The following AGRN variants were observed in gnomAD, a reference collection of about 807,000 sequenced individuals.
The protein encoded by AGRN is agrin, also known as agrin proteoglycan.
AGRN carries 106 observed loss-of-function variants against 211.0 expected under a neutral mutation model. The ratio of observed to expected loss-of-function variants is 0.50; its 90% CI spans 0.43 to 0.59. The LOEUF is 0.59. Ranked by LOEUF, AGRN falls within the 20% of genes least tolerant of loss-of-function variation. AGRN has a pLI of 0.00. For synonymous variants in AGRN, 1,525 were observed against 1,332.5 expected (o/e 1.14, Z -3.15); for missense variants, 3,040 against 2,982.6 (o/e 1.02, Z -0.45).
In AGRN at chr1:1,043,448, G is replaced by A. The variant is rs145222004; in HGVS notation, c.1594G>A (p.Gly532Arg). 1 of 1,606,592 alleles carries A rather than the reference G, an allele frequency of 6.2e-7. No individual in the cohort carries two copies. The highest frequency in any genetic ancestry group is 2.2e-5 in the East Asian group (1 of 44,798). The change falls in exon 8 of 36, where the codon GGA (glycine) becomes AGA (arginine). Residue 532 changes from glycine (G) to arginine (R), a missense_variant. Around this residue, in one of 3 missense-constraint regions of AGRN, gnomAD observed 1,498 missense variants for 1,457.8 expected, o/e 1.03. Transcript: ENST00000379370. ...LGREIQVARKGPCDRCGQCRF... is the reference protein window; with the variant it reads ...LGREIQVARKRPCDRCGQCRF... The stretch of plus-strand genomic sequence containing the variant: ...GCGGGAGATCCAGGTGGCGCGCAAA[G>A]GACCCTGTGGTCAGTGGCGGGTGAG...
Position 1,022,401 on chromosome 1 carries a change from C to T in AGRN, c.402C>T (p.Leu134=), listed in dbSNP as rs778439979. The change falls in exon 2 of 36, where the codon CTC becomes CTT. Residue 134 remains leucine (L), a synonymous_variant. Transcript: ENST00000379370. ...LWPAHKNELM[L]NSSLMRITLR... ...CAGCCCACAAGAACGAGCTGATGCT[C>T]AACTCCAGCCTCATGCGGATCACCC... 3 of 1,613,418 alleles carry T rather than the reference C, an allele frequency of 1.9e-6. No individual in the cohort carries two copies. The highest frequency in any genetic ancestry group is 2.2e-5 in the East Asian group (1 of 44,886).
At chr1:1,053,667 G>C (rs1025667644) in intron 33 of AGRN, 86 bp from the exon 34 acceptor site, 3 of 1,506,530 alleles carry the variant, frequency 2.0e-6, no homozygotes, top group Non-Finnish European at 1.8e-6. Context: ...TGTGGCCTCC[G>C]CAGCTGGGGC....
At position 1,046,249 on chromosome 1, in the gene AGRN, C is replaced by G. The variant is rs748949701; in HGVS notation, c.2895C>G (p.Ser965Arg). The G allele has an allele frequency of 1.7e-5, 27 of 1,613,412 alleles. 1 individual carries two copies. In the South Asian group the frequency reaches 2.7e-4, roughly 16 times the overall value. Reference protein sequence around the residue: ...CRQGLQISIQSLGPCQEAVAP... With the variant: ...CRQGLQISIQRLGPCQEAVAP... ...AGGGCCTGCAAATCTCTATCCAGAG[C>G]CTGGGCCCGTGCCAGGGTGAGGCCT... The change falls in exon 17 of 36, where the codon AGC becomes AGG. Residue 965 changes from serine to arginine, a missense_variant. This residue lies in a region of AGRN where 1,498 missense variants were observed against 1,457.8 expected (regional missense o/e 1.03). Transcript: ENST00000379370.
chr1:1,051,153 A>G (rs1272592450), intron 30 of AGRN, 100 bp from the exon 31 acceptor site: 3 of 1,105,174 alleles, frequency 2.7e-6, no homozygotes, highest in South Asian at 1.3e-5. Context: ...TGCCCCCTAG[A>G]TAGGCAATGG....
At position 1,054,838 on chromosome 1, in the gene AGRN, C is replaced by T; in HGVS notation, c.5995C>T (p.Leu1999=). 1 of 1,559,336 alleles carries T rather than the reference C, an allele frequency of 6.4e-7. No homozygotes were observed. The highest frequency in any genetic ancestry group is 8.7e-7 in the Non-Finnish European group (1 of 1,153,750). ...GALWLGGLPE[L]PVGPALPKAY... is the part of the protein sequence containing the mutation. Reference sequence around the variant, plus strand: ...CTGTGCTGCAGGGGGCCTGCCGGAGCTGCCCGTGGGCCCAGCACTGCCCAA... The same window carrying T: ...CTGTGCTGCAGGGGGCCTGCCGGAGTTGCCCGTGGGCCCAGCACTGCCCAA... The change falls in exon 36 of 36, where the codon CTG becomes TTG. Residue 1999 remains leucine (L), a synonymous_variant. Coordinates refer to ENST00000379370, the MANE Select transcript of AGRN (RefSeq NM_198576.4).
Position 1,055,042 on chromosome 1 carries a change from T to G in AGRN, c.*61T>G. The G allele has an allele frequency of 6.5e-7, 1 of 1,537,510 alleles. No homozygotes were observed. Among genetic ancestry groups the G allele is most frequent in the Non-Finnish European group, 8.7e-7 (1 of 1,145,558 alleles). On this transcript the variant is annotated 3_prime_UTR_variant, in exon 36 of 36. Coordinates refer to ENST00000379370, the MANE Select transcript of AGRN (RefSeq NM_198576.4). ...TTCTATTTTTGTAAACTTGTTGCTT[T>G]TTGATATGATTTTCTTGCCTGAGTG...
At chr1:1,040,573 G>A in intron 3 of AGRN, 92 bp from the exon 4 acceptor site, 1 of 1,455,016 alleles carries the variant, frequency 6.9e-7, no homozygotes, top group East Asian at 2.5e-5. Flanking sequence ...GCGGGTGAAT[G>A]CGCGGGCTGC....
intron 19 of AGRN, 23 bp from the exon 20 acceptor site, chr1:1,047,304 G>C (rs761454109): frequency 4.4e-6 from 7 of 1,581,764 alleles, no homozygotes; most frequent in Non-Finnish European, 5.1e-6. Context: ...GCCAGGCAGG[G>C]CCTCACTGTA....
chr1:1,025,926 C>A (rs1206414889), intron 2 of AGRN, among the ~76,000 whole-genome samples: 10 of 152,184 alleles, frequency 6.6e-5, no homozygotes. Context: ...TGCTTCCCGC[C>A]TGCGTGAATG....
At chr1:1,053,690 G>A (rs1229179726) in intron 33 of AGRN, 63 bp from the exon 34 acceptor site, 9 of 1,044,002 alleles carry the variant, frequency 8.6e-6, no homozygotes, top group African/African-American at 6.5e-5. Context: ...TTGTCCTCCC[G>A]CCTCCCCCAC....
At chr1:1,051,143 TG>T in intron 30 of AGRN, 109 bp from the exon 31 acceptor site, 1 of 805,462 alleles carries the variant, frequency 1.2e-6, no homozygotes, top group Non-Finnish European at 2.0e-6. Flanking sequence ...TGATTAACGC[TG>T]CCCCCTAGAT....
chr1:1,054,121 G>A (rs1447144058), intron 34 of AGRN, 144 bp downstream of exon 34: 2 of 889,976 alleles, frequency 2.2e-6, no homozygotes, highest in African/African-American at 3.3e-5. Flanking sequence ...GTGGGAGGAG[G>A]AAGGGCCAAG....
At position 1,054,876 on chromosome 1, in the gene AGRN, A is replaced by G; in HGVS notation, c.6033A>G (p.Thr2011=). Residue 2011 remains threonine, a synonymous_variant, in exon 36 of 36, where the codon ACA becomes ACG. Coordinates refer to ENST00000379370, the MANE Select transcript of AGRN (RefSeq NM_198576.4). The part of the protein sequence containing the change: ...VGPALPKAYG[T]GFVGCLRDVV... Reference sequence around the variant, plus strand: ...CAGCACTGCCCAAGGCCTACGGCACAGGCTTTGTGGGCTGCTTGCGGGACG... The same window carrying G: ...CAGCACTGCCCAAGGCCTACGGCACGGGCTTTGTGGGCTGCTTGCGGGACG... 4 of 1,555,440 alleles carry G rather than the reference A, an allele frequency of 2.6e-6. No individual in the cohort carries two copies. The highest frequency in any genetic ancestry group is 1.7e-6 in the Non-Finnish European group (2 of 1,150,854).
chr1:1,042,040 G>C lies in AGRN; in HGVS notation c.1262G>C (p.Cys421Ser). The part of the protein sequence containing the change: ...RPRCSCDRVT[C>S]DGAYRPVCAQ... The stretch of plus-strand genomic sequence containing the variant: ...CGCTGCTCCTGCGACCGCGTCACCT[G>C]TGACGGGGCCTACAGGCCCGTGTGT... The change falls in exon 7 of 36, where the codon TGT (cysteine) becomes TCT (serine). Residue 421 changes from cysteine (C) to serine (S), a missense_variant. By Grantham distance (112) the Cys-to-Ser change is moderately radical. Transcript: ENST00000379370. 6.2e-7 allele frequency: 1 copy of C among 1,609,542 alleles called. No individual in the cohort carries two copies. Among genetic ancestry groups the C allele is most frequent in the Non-Finnish European group, 8.5e-7 (1 of 1,179,602 alleles).
At chr1:1,042,312 C>T (rs1158325158) in intron 7 of AGRN, 150 bp downstream of exon 7, 4 of 1,074,180 alleles carry the variant, frequency 3.7e-6, no homozygotes, top group Admixed American at 2.7e-5. Flanking sequence ...GAGGGTGGAG[C>T]CTGTGTGCGG....
chr1:1,038,496 C>A (rs1366483432), intron 3 of AGRN, among the ~76,000 whole-genome samples: 1 of 152,276 alleles, frequency 6.6e-6, no homozygotes, highest in East Asian at 1.9e-4. Flanking sequence ...CCCCAAGGCT[C>A]TGTCTTGGGA....
chr1:1,049,744 C>T lies in AGRN; in HGVS notation c.4693C>T (p.Gln1565Ter). 5.1e-6 allele frequency: 8 copies of T among 1,581,434 alleles called. No individual in the cohort carries two copies. The highest frequency in any genetic ancestry group is 6.9e-6 in the Non-Finnish European group (8 of 1,165,768). The change falls in exon 26 of 36, where the codon CAG becomes TAG. Residue 1565 changes from glutamine to a stop codon, truncating the protein, a stop_gained. Coordinates refer to ENST00000379370, the MANE Select transcript of AGRN (RefSeq NM_198576.4). LOFTEE classifies it high-confidence loss of function. ...CCCCTGCCATGGCGGGGCCCCATGC[C>T]AGAACCTGGAGGCTGGAAGGTTCCA... ...PNPCHGGAPC[Q>*]NLEAGRFHCQ...
In AGRN at chr1:1,050,227, C is replaced by T. The variant is rs772602942; in HGVS notation, c.4880-6C>T. On this transcript the variant is annotated splice_polypyrimidine_tract_variant and splice_region_variant and intron_variant, in intron 27 of 35. Coordinates refer to ENST00000379370, the MANE Select transcript of AGRN (RefSeq NM_198576.4). ...AGGACTGAGGCCTTGGTGACTCTCC[C>T]TACAGCCTCGGGGCAGGACGGCTCT... 37 of 1,613,034 alleles carry T rather than the reference C, an allele frequency of 2.3e-5. No homozygotes were observed. The East Asian group carries it at 8.0e-4, about 35-fold the overall frequency.
At chr1:1,022,143 C>T in intron 1 of AGRN, 58 bp from the exon 2 acceptor site, 1 of 1,607,632 alleles carries the variant, frequency 6.2e-7, no homozygotes, top group Non-Finnish European at 8.5e-7. Context: ...CTAAAGCCCC[C>T]AGTCTAGCCC....
Sources: gnomAD v4.1 joint callset for allele counts (sites outside exome capture counted in the v4.1 genomes callset) on GRCh38, gnomAD v4.1.1 for gene constraint, gnomAD v4.1.1 regional missense constraint, MANE v1.5 for transcripts, NCBI Gene and HGNC (gene_info 2026-07-23, HGNC 2026-07-21) for gene names.